The following CEP170 variants were observed in gnomAD, a reference collection of about 807,000 sequenced individuals.
CEP170 encodes centrosomal protein of 170 kDa.
A neutral mutation model predicts 151.9 loss-of-function variants in CEP170; 21 were observed. The ratio of observed to expected loss-of-function variants is 0.14; its 90% CI spans 0.10 to 0.20. The LOEUF (loss-of-function observed/expected upper bound fraction) is 0.20, where lower values mean the gene tolerates loss of function less well. Among genes scored for constraint, CEP170 ranks in the 10% least tolerant of loss-of-function variants. The pLI is 1.00. For synonymous variants in CEP170, 356 were observed against 648.8 expected, an observed-to-expected ratio of 0.55 and a Z score of 6.86; for missense variants, 964 against 1,892.9, an observed-to-expected ratio of 0.51 and a Z score of 9.11.
At chr1:243,187,197 G>A (rs2059991422) in intron 8 of CEP170, among the ~76,000 whole-genome samples, 2 of 152,124 alleles carry the variant, frequency 1.3e-5, no homozygotes, top group Admixed American at 1.3e-4. Flanking sequence ...TCCCCAGGAA[G>A]CATATCAGGT....
intron 13 of CEP170, among the ~76,000 whole-genome samples, chr1:243,162,424 T>C (rs1344054104): frequency 6.6e-6 from 1 of 152,246 alleles, no homozygotes; most frequent in East Asian, 1.9e-4. Context: ...TGATTCTAAT[T>C]ATTTAATATA....
chr1:243,221,161 A>AC (rs2062776129), intron 3 of CEP170, among the ~76,000 whole-genome samples: 1 of 152,070 alleles, frequency 6.6e-6, no homozygotes, highest in African/African-American at 2.4e-5. Context: ...AGTAGCTGGG[A>AC]CTACAGGAGC....
At chr1:243,170,789 G>A (rs1316238520) in intron 11 of CEP170, among the ~76,000 whole-genome samples, 6 of 152,148 alleles carry the variant, frequency 3.9e-5, no homozygotes, top group Admixed American at 6.5e-5. Context: ...GGGAGACTCC[G>A]TCTCAAAAAA....
intron 3 of CEP170, among the ~76,000 whole-genome samples, chr1:243,213,848 G>A (rs1353119352): frequency 6.6e-6 from 1 of 152,126 alleles, no homozygotes; most frequent in Non-Finnish European, 1.5e-5. Context: ...CAGTAGCTGG[G>A]ACTAGAGGCT....
At position 243,186,382 on chromosome 1, in the gene CEP170, G is replaced by A. The variant is rs376260609; in HGVS notation, c.1149C>T (p.Asn383=). The part of the protein sequence containing the change: ...HDDGTQSDSE[N]AGAHRRCSKR... ...TGCTACAGCGCCTGTGAGCCCCAGC[G>A]TTCTCTGAATCACTTTGCGTACCAT... The change falls in exon 9 of 20, where the codon AAC becomes AAT. Residue 383 remains asparagine, a synonymous_variant. Coordinates refer to ENST00000366542, the MANE Select transcript of CEP170 (RefSeq NM_014812.3). The A allele has an allele frequency of 9.3e-6, 15 of 1,612,326 alleles. No homozygotes were observed. Among genetic ancestry groups the A allele is most frequent in the South Asian group, 7.7e-5 (7 of 90,782 alleles).
intron 14 of CEP170, among the ~76,000 whole-genome samples, chr1:243,152,521 A>ATTTT (rs371392454): frequency 0.14 from 7,861 of 54,838 alleles, 2,397 homozygotes; most frequent in Non-Finnish European, 0.17. Flanking sequence ...GCGCCCAGCC[A>ATTTT]TTTTTTTTTT....
chr1:243,128,357 A>G, intron 18 of CEP170, 57 bp from the exon 19 acceptor site: 7 of 1,456,182 alleles, frequency 4.8e-6, no homozygotes, highest in South Asian at 1.3e-5. Context: ...TTATCACTTT[A>G]CAAGCAATGA....
At chr1:243,186,467 A>G in intron 8 of CEP170, 45 bp from the exon 9 acceptor site, 1 of 1,539,220 alleles carries the variant, frequency 6.5e-7, no homozygotes, top group Non-Finnish European at 8.7e-7. Context: ...AAAAAGTCCC[A>G]TGTAGAAATT....
At chr1:243,217,922 T>C (rs541498566) in intron 3 of CEP170, among the ~76,000 whole-genome samples, 1 of 152,290 alleles carries the variant, frequency 6.6e-6, no homozygotes, top group South Asian at 2.1e-4. Flanking sequence ...CCTATGAGCG[T>C]TCCACATCAA....
intron 1 of CEP170, among the ~76,000 whole-genome samples, chr1:243,236,053 A>G (rs1458722541): frequency 6.6e-6 from 1 of 152,236 alleles, no homozygotes; most frequent in Non-Finnish European, 1.5e-5. Flanking sequence ...ACTTAGATTC[A>G]GACATTTATC....
intron 14 of CEP170, among the ~76,000 whole-genome samples, chr1:243,145,889 A>G (rs4658538): frequency 0.065 from 9,835 of 152,254 alleles, 713 homozygotes; most frequent in East Asian, 0.19. Flanking sequence ...TTAAGGAGAG[A>G]CATTTAAGGG....
intron 3 of CEP170, among the ~76,000 whole-genome samples, chr1:243,216,174 A>T (rs1383721933): frequency 6.6e-6 from 1 of 152,210 alleles, no homozygotes; most frequent in East Asian, 1.9e-4. Flanking sequence ...ACTGAAATTT[A>T]AAAAATTACT....
intron 7 of CEP170, among the ~76,000 whole-genome samples, chr1:243,197,544 T>C (rs1294464571): frequency 6.6e-6 from 1 of 152,032 alleles, no homozygotes; most frequent in African/African-American, 2.4e-5. Flanking sequence ...TTCCAAATTC[T>C]GGAAGGTCTT....
chr1:243,216,574 G>A (rs2062320047), intron 3 of CEP170, among the ~76,000 whole-genome samples: 1 of 152,090 alleles, frequency 6.6e-6, no homozygotes, highest in African/African-American at 2.4e-5. Flanking sequence ...AAAGGGATTA[G>A]GTTATTAAAC....
intron 3 of CEP170, among the ~76,000 whole-genome samples, chr1:243,214,255 T>G (rs1028009686): frequency 6.6e-6 from 1 of 151,498 alleles, no homozygotes; most frequent in Non-Finnish European, 1.5e-5. Flanking sequence ...ATGGCTATCC[T>G]ATTAACAAAA....
intron 1 of CEP170, among the ~76,000 whole-genome samples, chr1:243,225,983 C>CTATATATATACACGTATATATATCTAGA (rs1558644684): frequency 9.8e-5 from 14 of 142,556 alleles, no homozygotes; most frequent in African/African-American, 3.9e-4. Context: ...ATCTATCTAT[C>CTATATATATACACGTATATATATCTAGA]TATATATATA....
chr1:243,190,482 G>A (rs2060241235), intron 8 of CEP170, among the ~76,000 whole-genome samples: 2 of 151,828 alleles, frequency 1.3e-5, no homozygotes, highest in South Asian at 4.2e-4. Context: ...TTTAAAACTG[G>A]ATTAATAGAT....
Position 243,129,381 on chromosome 1 carries a change from A to T in CEP170, c.4392T>A (p.Pro1464=). 1 of 1,596,602 alleles carries T rather than the reference A, an allele frequency of 6.3e-7. No homozygotes were observed. Among genetic ancestry groups the T allele is most frequent in the Non-Finnish European group, 8.5e-7 (1 of 1,171,166 alleles). Residue 1464 remains proline, a synonymous_variant, in exon 18 of 20, where the codon CCT becomes CCA. Coordinates refer to ENST00000366542, the MANE Select transcript of CEP170 (RefSeq NM_014812.3). The part of the protein sequence containing the change: ...ESKLRAESEV[P]IVKTSSMEIS... ...ATACCATGCTTGAGGTTTTCACAAT[A>T]GGGACTTCACTTTCGGCTCTTAATT...
intron 3 of CEP170, among the ~76,000 whole-genome samples, chr1:243,212,688 T>TTC (rs143680660): frequency 0.95 from 142,610 of 149,882 alleles, 68,106 homozygotes; most frequent in South Asian, 1. Context: ...ATTTTCTTTC[T>TTC]TCTCTCTCTC....
Sources: gnomAD v4.1 joint callset for allele counts (sites outside exome capture counted in the v4.1 genomes callset) on GRCh38, gnomAD v4.1.1 for gene constraint, MANE v1.5 for transcripts, NCBI Gene and HGNC (gene_info 2026-07-23, HGNC 2026-07-21) for gene names.